Variants in SCAP observed in about 807,000 individuals in gnomAD.
SCAP encodes sterol regulatory element-binding protein cleavage-activating protein.
A neutral mutation model predicts 123.6 loss-of-function variants in SCAP; 65 were observed. That is an observed-to-expected ratio of 0.53 (90% CI 0.43 to 0.65). The LOEUF is 0.65. SCAP is among the 30% of genes least tolerant of loss of function. The probability of loss-of-function intolerance (pLI) is 0.00; values close to 1 mark genes in which losing one functional copy is unlikely to be tolerated. For synonymous variants in SCAP, 740 were observed against 726.3 expected (o/e 1.02, Z -0.30); for missense variants, 1,398 against 1,712.5 (o/e 0.82, Z 3.24).
intron 1 of SCAP, among the ~76,000 whole-genome samples, chr3:47,453,116 A>C (rs952621022): frequency 6.6e-6 from 1 of 152,070 alleles, no homozygotes; most frequent in Non-Finnish European, 1.5e-5. Context: ...AATGAACTGG[A>C]CTAGTGATAG....
intron 3 of SCAP, among the ~76,000 whole-genome samples, chr3:47,434,015 T>C (rs543369876): frequency 2.0e-5 from 3 of 152,332 alleles, no homozygotes; most frequent in Non-Finnish European, 2.9e-5. Flanking sequence ...CATCAGACCA[T>C]GCATCCTTTG....
intron 3 of SCAP, among the ~76,000 whole-genome samples, chr3:47,434,632 G>A (rs1706496816): frequency 6.6e-6 from 1 of 152,198 alleles, no homozygotes; most frequent in South Asian, 2.1e-4. Flanking sequence ...AAGGTCAGGA[G>A]TTCGAGACCA....
rs757466264 is a variant in SCAP at position 47,419,533 on chromosome 3, T to C, written c.1735A>G (p.Ile579Val). The change falls in exon 13 of 23, where the codon ATC becomes GTC. Residue 579 changes from isoleucine (I) to valine (V), a missense_variant. Physicochemically the swap from Ile to Val is conservative, Grantham distance 29 (BLOSUM62 3). Transcript: ENST00000265565. The surrounding 1 kb of genome is among the most constrained non-coding windows in gnomAD (Gnocchi z 5.0). ...PPSHPDPAFS[I>V]FPPDAPKLPE... ...AGCTTAGGGGCATCAGGTGGGAAGA[T>C]GGAGAAGGCAGGGTCCGGGTGGCTG... 5 of 1,613,830 alleles carry C rather than the reference T, an allele frequency of 3.1e-6. No individual in the cohort carries two copies. The highest frequency in any genetic ancestry group is 4.2e-6 in the Non-Finnish European group (5 of 1,179,918).
rs767436635 is a variant in SCAP, at chr3:47,420,513, C to A, written c.1563+41G>T. ...CACCACAAGGGGCCTGGAGCACCGGCCCTCCAGAAGAGGGCAGGGCAGGGC... is the reference window on the plus strand; with the variant it reads ...CACCACAAGGGGCCTGGAGCACCGGACCTCCAGAAGAGGGCAGGGCAGGGC... On this transcript the variant is annotated intron_variant, in intron 12 of 22. Coordinates refer to ENST00000265565, the MANE Select transcript of SCAP (RefSeq NM_012235.4). This position sits in a 1 kb window ranked among gnomAD's most constrained non-coding sequence, Gnocchi z 5.0. 3.3e-6 allele frequency: 5 copies of A among 1,517,088 alleles called. No homozygotes were observed. The highest frequency in any genetic ancestry group is 4.5e-6 in the Non-Finnish European group (5 of 1,122,512). 94.0% of individuals were successfully genotyped at this position (1,517,088 alleles called of 1,614,324 possible). A position where few individuals can be genotyped will look rare whatever the true frequency, so the allele number is the denominator to read the frequency against.
In SCAP at chr3:47,419,299, G is replaced by A. The variant is rs368709955; in HGVS notation, c.1940+29C>T. On this transcript the variant is annotated intron_variant, in intron 13 of 22. Transcript: ENST00000265565. This position sits in a 1 kb window ranked among gnomAD's most constrained non-coding sequence, Gnocchi z 5.0. ...GGATGGTGAGTTGACACCATCGAGTGAGGTGGCACCTGGCACGGCCCAGCT... is the reference window on the plus strand; with the variant it reads ...GGATGGTGAGTTGACACCATCGAGTAAGGTGGCACCTGGCACGGCCCAGCT... 4.4e-6 allele frequency: 7 copies of A among 1,582,906 alleles called. No homozygotes were observed. In the African/African-American group the frequency reaches 8.1e-5, roughly 18 times the overall value.
chr3:47,414,578 A>G lies in SCAP; in HGVS notation c.3381T>C (p.Ile1127=). 6.2e-7 allele frequency: 1 copy of G among 1,613,458 alleles called. No individual in the cohort carries two copies. The highest frequency in any genetic ancestry group is 8.5e-7 in the Non-Finnish European group (1 of 1,180,006). ...GHSGAITTVY[I]DQTMVLASGG... Reference sequence around the variant, plus strand: ...CCACCTGCAGGCCGCTTACCTGGTCAATGTACACGGTCGTGATGGCCCCTG... The same window carrying G: ...CCACCTGCAGGCCGCTTACCTGGTCGATGTACACGGTCGTGATGGCCCCTG... The change falls in exon 21 of 23, where the codon ATT becomes ATC. Residue 1127 remains isoleucine, a synonymous_variant. Coordinates refer to ENST00000265565, the MANE Select transcript of SCAP (RefSeq NM_012235.4).
intron 2 of SCAP, among the ~76,000 whole-genome samples, chr3:47,441,529 A>G (rs1339538419): frequency 6.6e-6 from 1 of 152,182 alleles, no homozygotes; most frequent in South Asian, 2.1e-4. Flanking sequence ...AAAAAAACCC[A>G]AGAGCTGAGT....
At chr3:47,438,190 T>G (rs1380477521) in intron 2 of SCAP, among the ~76,000 whole-genome samples, 2 of 152,252 alleles carry the variant, frequency 1.3e-5, no homozygotes, top group African/African-American at 2.4e-5. Context: ...TCAAGTCTTT[T>G]GACAATACCA....
intron 1 of SCAP, among the ~76,000 whole-genome samples, chr3:47,472,871 G>C (rs1233892544): frequency 6.6e-6 from 1 of 151,858 alleles, no homozygotes; most frequent in Non-Finnish European, 1.5e-5. Flanking sequence ...ACCTGAGATC[G>C]GGAGTCTGAG....
rs1404317053 is a variant in SCAP, at chr3:47,418,387, G to A, written c.2265C>T (p.Cys755=). 8.9e-6 allele frequency: 14 copies of A among 1,574,698 alleles called. No individual in the cohort carries two copies. The highest frequency in any genetic ancestry group is 2.3e-5 in the South Asian group (2 of 86,834). ...PGRRRRGELP[C]DDYGYAPPET... ...CGGGTGGCGCATAGCCGTAGTCGTCGCAGGGCAGCTCCCCGCGCCTCCGCC... is the reference window on the plus strand; with the variant it reads ...CGGGTGGCGCATAGCCGTAGTCGTCACAGGGCAGCTCCCCGCGCCTCCGCC... Residue 755 remains cysteine, a synonymous_variant, in exon 15 of 23, where the codon TGC becomes TGT. Coordinates refer to ENST00000265565, the MANE Select transcript of SCAP (RefSeq NM_012235.4).
intron 1 of SCAP, 58 bp from the exon 2 acceptor site, chr3:47,443,149 C>A (rs552565742): frequency 2.2e-6 from 3 of 1,347,464 alleles, no homozygotes; most frequent in Admixed American, 2.6e-5. Context: ...CACACTAGGG[C>A]TGCTGGAGGG....
intron 1 of SCAP, among the ~76,000 whole-genome samples, chr3:47,444,070 C>A (rs898027561): frequency 5.9e-5 from 9 of 152,240 alleles, no homozygotes; most frequent in African/African-American, 2.2e-4. Context: ...AATAAATTAT[C>A]TTTTTGCTTA....
In SCAP at chr3:47,439,472, T is replaced by C. The variant is rs578035781; in HGVS notation, c.122+3400A>G. Reference sequence around the variant, plus strand: ...CCAAATTAAAATCCACCTCTCACCATGAGCAGCAGCTTGTTGAATCAAATG... The same window carrying C: ...CCAAATTAAAATCCACCTCTCACCACGAGCAGCAGCTTGTTGAATCAAATG... On this transcript the variant is annotated intron_variant, in intron 2 of 22. Transcript: ENST00000265565. This position sits in a 1 kb window ranked among gnomAD's most constrained non-coding sequence, Gnocchi z 4.0. Among the ~76,000 whole-genome samples, 6 of 152,320 alleles carry C rather than the reference T, an allele frequency of 3.9e-5. No individual in the cohort carries two copies. The highest frequency in any genetic ancestry group is 7.4e-5 in the Non-Finnish European group (5 of 68,022).
At chr3:47,465,031 GAATAA>G (rs1707773355) in intron 1 of SCAP, among the ~76,000 whole-genome samples, 1 of 151,762 alleles carries the variant, frequency 6.6e-6, no homozygotes, top group Non-Finnish European at 1.5e-5. Flanking sequence ...GCATCAAAAA[GAATAA>G]AATACTTAGG....
At position 47,454,630 on chromosome 3, in the gene SCAP, G is replaced by A. The variant is rs986649963; in HGVS notation, c.-98-11539C>T. ...TGTAATCCCAACTATTTGGGTGGCT[G>A]AGGCAGGAGAATCGCTTGAACGCAG... On this transcript the variant is annotated intron_variant, in intron 1 of 22. Coordinates refer to ENST00000265565, the MANE Select transcript of SCAP (RefSeq NM_012235.4). Among the ~76,000 whole-genome samples the A allele has an allele frequency of 4.6e-5, 7 of 152,052 alleles. No homozygotes were observed. The South Asian group carries it at 8.3e-4, about 18-fold the overall frequency.
Position 47,451,766 on chromosome 3 carries a change from A to C in SCAP, c.-98-8675T>G, listed in dbSNP as rs1707238699. ...TTATCTCAGAGGTCAGAGTGGACACAGATTCTACTAATGCTGTGAGCTGGA... is the reference window on the plus strand; with the variant it reads ...TTATCTCAGAGGTCAGAGTGGACACCGATTCTACTAATGCTGTGAGCTGGA... On this transcript the variant is annotated intron_variant, in intron 1 of 22. Transcript: ENST00000265565. Among the ~76,000 whole-genome samples, 3 of 122,830 alleles carry C rather than the reference A, an allele frequency of 2.4e-5. 1 individual carries two copies. The Admixed American group carries it at 2.7e-4, about 11-fold the overall frequency. The allele number at this position is 122,830 out of a possible 152,430, so 80.6% of individuals were successfully genotyped here.
In SCAP at chr3:47,418,450, G is replaced by T; in HGVS notation, c.2202C>A (p.Cys734Ter). 1 of 1,595,402 alleles carries T rather than the reference G, an allele frequency of 6.3e-7. No individual in the cohort carries two copies. Among genetic ancestry groups the T allele is most frequent in the Non-Finnish European group, 8.5e-7 (1 of 1,173,728 alleles). Residue 734 changes from cysteine to a stop codon, truncating the protein, a stop_gained, in exon 15 of 23, where the codon TGC becomes TGA. Coordinates refer to ENST00000265565, the MANE Select transcript of SCAP (RefSeq NM_012235.4). LOFTEE classifies it high-confidence loss of function. Reference protein sequence around the residue: ...LLLLCLYRVLCPRNYGQLGGG... With the variant: ...LLLLCLYRVL ...CACCCAGCTGCCCGTAGTTGCGCGG[G>T]CATAGCACGCGGTAGAGGCAGAGCA...
chr3:47,445,092 T>TG (rs1271262365), intron 1 of SCAP, among the ~76,000 whole-genome samples: 1 of 152,034 alleles, frequency 6.6e-6, no homozygotes, highest in African/African-American at 2.4e-5. Flanking sequence ...TTTTTATGGC[T>TG]GAATATTTCA....
At chr3:47,452,014 C>T (rs1219658076) in intron 1 of SCAP, among the ~76,000 whole-genome samples, 1 of 152,174 alleles carries the variant, frequency 6.6e-6, no homozygotes, top group African/African-American at 2.4e-5. Context: ...CCTTTTCATT[C>T]TTCAAGTCTC....
Sources: gnomAD v4.1 joint callset for allele counts (sites outside exome capture counted in the v4.1 genomes callset) on GRCh38, gnomAD v4.1.1 for gene constraint, Gnocchi (gnomAD v3.1) non-coding constraint, MANE v1.5 for transcripts, NCBI Gene and HGNC (gene_info 2026-07-23, HGNC 2026-07-21) for gene names.